Variants in ZBTB20 observed in about 807,000 individuals in gnomAD.
ZBTB20 encodes the protein zinc finger and BTB domain containing 20.
A neutral mutation model predicts 56.9 loss-of-function variants in ZBTB20; 9 were observed. That is an observed-to-expected ratio of 0.16 (90% CI 0.10 to 0.28). ZBTB20 has a LOEUF of 0.28. Ranked by LOEUF, ZBTB20 falls within the 10% of genes least tolerant of loss-of-function variation. ZBTB20 has a pLI of 1.00. For synonymous variants in ZBTB20, 417 were observed against 420.7 expected (o/e 0.99, Z 0.11); for missense variants, 655 against 1,003.0 (o/e 0.65, Z 4.69).
At chr3:114,449,237 T>C (rs1021323250) in intron 7 of ZBTB20, among the ~76,000 whole-genome samples, 4 of 152,200 alleles carry the variant, frequency 2.6e-5, no homozygotes, top group Admixed American at 6.5e-5. Flanking sequence ...GCTAATTGGA[T>C]TTTCTTCAAG....
rs1386799184 is a variant in ZBTB20 at position 114,332,836 on chromosome 3, C to T, written c.*6169G>A. 1 of 152,212 alleles carries T rather than the reference C, an allele frequency of 6.6e-6. No individual in the cohort carries two copies. The highest frequency in any genetic ancestry group is 1.5e-5 in the Non-Finnish European group (1 of 68,040). 9.4% of individuals were successfully genotyped at this position (152,212 alleles called of 1,614,324 possible). On this transcript the variant is annotated 3_prime_UTR_variant, in exon 12 of 12. Coordinates refer to ENST00000675478, the MANE Select transcript of ZBTB20 (RefSeq NM_001348800.3). ...CAAAAGGTGGAGCCTAAAGAAACCA[C>T]TGGCAGGTGTTTTAGTCAGTGGTGT... is the stretch of plus-strand genomic sequence containing the variant.
chr3:115,073,048 T>C (rs1313987779), intron 1 of ZBTB20, among the ~76,000 whole-genome samples: 1 of 152,226 alleles, frequency 6.6e-6, no homozygotes. Context: ...TCATTATCAG[T>C]GTCATTTTCT....
chr3:115,128,352 G>A (rs1211804575), intron 1 of ZBTB20, among the ~76,000 whole-genome samples: 1 of 152,054 alleles, frequency 6.6e-6, no homozygotes, highest in Non-Finnish European at 1.5e-5. Context: ...CTTGCCTAAA[G>A]TCCATTTACA....
chr3:114,492,336 C>T (rs1232335121), intron 7 of ZBTB20, among the ~76,000 whole-genome samples: 1 of 152,146 alleles, frequency 6.6e-6, no homozygotes, highest in Non-Finnish European at 1.5e-5. Context: ...ATCCAAAGTA[C>T]CTCACACTCA....
At chr3:114,580,440 A>G (rs1184568502) in intron 6 of ZBTB20, among the ~76,000 whole-genome samples, 2 of 151,812 alleles carry the variant, frequency 1.3e-5, no homozygotes, top group Non-Finnish European at 3.0e-5. Flanking sequence ...AATAAGAAAC[A>G]GAATAGATAT....
chr3:114,613,821 T>C lies in ZBTB20; in HGVS notation c.-295+79707A>G, dbSNP rs556251995. On this transcript the variant is annotated intron_variant, in intron 6 of 11. Transcript: ENST00000675478. ...CTAACAAGTATTAACCATGATCCTATAGCATAAGAGTGAGTGATGATGAGG... is the reference window on the plus strand; with the variant it reads ...CTAACAAGTATTAACCATGATCCTACAGCATAAGAGTGAGTGATGATGAGG... Among the ~76,000 whole-genome samples the C allele has an allele frequency of 4.3e-4, 65 of 152,252 alleles. No individual in the cohort carries two copies. In the South Asian group the frequency reaches 0.013, roughly 30 times the overall value.
At chr3:115,067,074 T>C (rs948156449) in intron 2 of ZBTB20, among the ~76,000 whole-genome samples, 3 of 152,056 alleles carry the variant, frequency 2.0e-5, no homozygotes, top group African/African-American at 7.2e-5. Flanking sequence ...TAGACTCTTA[T>C]CATGTGAAAT....
intron 6 of ZBTB20, among the ~76,000 whole-genome samples, chr3:114,681,391 C>T (rs1196239122): frequency 6.6e-6 from 1 of 151,896 alleles, no homozygotes; most frequent in Admixed American, 6.6e-5. Flanking sequence ...AAACTCCTGA[C>T]TTCAGGTGAT....
intron 2 of ZBTB20, among the ~76,000 whole-genome samples, chr3:114,985,101 T>A (rs963266544): frequency 6.6e-6 from 1 of 152,070 alleles, no homozygotes; most frequent in East Asian, 1.9e-4. Flanking sequence ...TCACAGGATA[T>A]CACTATCTGC....
chr3:115,117,347 C>A (rs1349895117), intron 1 of ZBTB20, among the ~76,000 whole-genome samples: 1 of 152,104 alleles, frequency 6.6e-6, no homozygotes, highest in East Asian at 1.9e-4. Flanking sequence ...TTTCTCTTAT[C>A]TTTTTCCTTA....
chr3:114,593,286 T>G (rs2055966512), intron 6 of ZBTB20, among the ~76,000 whole-genome samples: 2 of 152,100 alleles, frequency 1.3e-5, no homozygotes, highest in African/African-American at 2.4e-5. Flanking sequence ...TAAGGCGGGG[T>G]GGGAATCACT....
chr3:114,879,012 C>T (rs754625105), intron 4 of ZBTB20, among the ~76,000 whole-genome samples: 3 of 152,122 alleles, frequency 2.0e-5, no homozygotes, highest in African/African-American at 7.2e-5. Flanking sequence ...AATTATCATC[C>T]GTATCTGGGT....
At chr3:114,414,474 T>A (rs1207964364) in intron 7 of ZBTB20, among the ~76,000 whole-genome samples, 1 of 152,032 alleles carries the variant, frequency 6.6e-6, no homozygotes, top group East Asian at 1.9e-4. Context: ...TTTCTCCACA[T>A]TTTGAAGAAA....
intron 4 of ZBTB20, among the ~76,000 whole-genome samples, chr3:114,811,236 G>A (rs1354924488): frequency 1.3e-5 from 2 of 152,042 alleles, no homozygotes; most frequent in Non-Finnish European, 2.9e-5. Context: ...CAGATTCCTG[G>A]GCTCACTCAG....
intron 5 of ZBTB20, among the ~76,000 whole-genome samples, chr3:114,779,379 G>A (rs967284057): frequency 6.6e-6 from 1 of 151,984 alleles, no homozygotes; most frequent in Admixed American, 6.6e-5. Flanking sequence ...GTTCCTAGAG[G>A]GTTGAGAACA....
At chr3:114,714,577 G>A (rs1318905757) in intron 5 of ZBTB20, among the ~76,000 whole-genome samples, 2 of 151,038 alleles carry the variant, frequency 1.3e-5, no homozygotes, top group Non-Finnish European at 2.9e-5. Context: ...ATCACAGCCT[G>A]TTCCATTGTG....
At position 115,078,530 on chromosome 3, in the gene ZBTB20, TG is replaced by T. The variant is rs566253725; in HGVS notation, c.-702-7117del. Among the ~76,000 whole-genome samples the T allele has an allele frequency of 6.6e-5, 10 of 151,656 alleles. 1 individual carries two copies. The South Asian group carries it at 2.1e-3, about 32-fold the overall frequency. ...ACGATTATTTTATGTCTATTCTTAA[TG>T]ACCATTATGGCACATATTTCATACA... On this transcript the variant is annotated intron_variant, in intron 1 of 11. Transcript: ENST00000675478.
intron 1 of ZBTB20, among the ~76,000 whole-genome samples, chr3:115,098,432 T>C (rs1322537288): frequency 1.3e-5 from 2 of 152,148 alleles, no homozygotes; most frequent in African/African-American, 4.8e-5. Flanking sequence ...ATAAAGTATA[T>C]ATAAAATTGT....
chr3:114,840,760 C>G (rs994868600), intron 4 of ZBTB20, among the ~76,000 whole-genome samples: 3 of 152,034 alleles, frequency 2.0e-5, no homozygotes, highest in African/African-American at 7.2e-5. Context: ...GTAGTTCTCA[C>G]AATAATTTTA....
Sources: allele counts gnomAD v4.1 joint callset (sites outside exome capture counted in the v4.1 genomes callset), GRCh38; gene constraint gnomAD v4.1.1; transcripts MANE v1.5; gene names NCBI Gene and HGNC (gene_info 2026-07-23, HGNC 2026-07-21).